The following ARHGAP30 variants were observed in gnomAD, a reference collection of about 807,000 sequenced individuals.
ARHGAP30 encodes Rho GTPase activating protein 30.
A neutral mutation model predicts 72.0 loss-of-function variants in ARHGAP30; 23 were observed. The ratio of observed to expected loss-of-function variants is 0.32; its 90% CI spans 0.23 to 0.45. ARHGAP30 has a LOEUF of 0.45. Ranked by LOEUF, ARHGAP30 falls within the 20% of genes least tolerant of loss-of-function variation. The probability of loss-of-function intolerance (pLI) is 1.00; values close to 1 mark genes in which losing one functional copy is unlikely to be tolerated. For synonymous variants in ARHGAP30, 576 were observed against 528.2 expected, an observed-to-expected ratio of 1.09 and a Z score of -1.24; for missense variants, 1,319 against 1,383.4, an observed-to-expected ratio of 0.95 and a Z score of 0.74.
intron 9 of ARHGAP30, among the ~76,000 whole-genome samples, chr1:161,052,020 AC>A (rs1557920894): frequency 0.039 from 2,579 of 66,942 alleles, 404 homozygotes; most frequent in Middle Eastern, 0.074. Context: ...CACCACCACC[AC>A]CACCACCACC....
chr1:161,054,800 G>C, intron 3 of ARHGAP30, 95 bp from the exon 4 acceptor site: 1 of 1,073,782 alleles, frequency 9.3e-7, no homozygotes, highest in Non-Finnish European at 1.4e-6. Flanking sequence ...GGAACAATGT[G>C]CACTGGACTC....
chr1:161,058,626 CA>C lies in ARHGAP30; in HGVS notation c.200+987del, dbSNP rs758250379. Among the ~76,000 whole-genome samples the C allele has an allele frequency of 1.3e-3, 112 of 87,054 alleles. 1 individual carries two copies. The highest frequency in any genetic ancestry group is 1.7e-3 in the Admixed American group (13 of 7,534). The allele number at this position is 87,054 out of a possible 152,430, so 57.1% of individuals were successfully genotyped here. Reference sequence around the variant, plus strand: ...TGGGCAACAGAGGGAGACTCTGTCTCAAAAAAAAAAAAAAATTGAAAAAAAA... The same window carrying C: ...TGGGCAACAGAGGGAGACTCTGTCTCAAAAAAAAAAAAAATTGAAAAAAAA... On this transcript the variant is annotated intron_variant, in intron 2 of 11. Coordinates refer to ENST00000368013, the MANE Select transcript of ARHGAP30 (RefSeq NM_001025598.2).
Position 161,069,496 on chromosome 1 carries a change from C to A in ARHGAP30, c.97+32G>T, listed in dbSNP as rs1240080710. On this transcript the variant is annotated intron_variant, in intron 1 of 11. Coordinates refer to ENST00000368013, the MANE Select transcript of ARHGAP30 (RefSeq NM_001025598.2). This position sits in a 1 kb window ranked among gnomAD's most constrained non-coding sequence, Gnocchi z 4.9. ...CTGCAGATGCCCAGTGCCTCCCCAC[C>A]CACCCTGCAGAAGCTGAGCCGGCCT... 6.3e-7 allele frequency: 1 copy of A among 1,599,654 alleles called. No homozygotes were observed. The highest frequency in any genetic ancestry group is 8.5e-7 in the Non-Finnish European group (1 of 1,175,096).
Position 161,051,316 on chromosome 1 carries a change from G to C in ARHGAP30, c.1418C>G (p.Pro473Arg). 6.3e-7 allele frequency: 1 copy of C among 1,594,652 alleles called. No homozygotes were observed. Among genetic ancestry groups the C allele is most frequent in the Non-Finnish European group, 8.5e-7 (1 of 1,170,358 alleles). The change falls in exon 10 of 12, where the codon CCA becomes CGA. Residue 473 changes from proline to arginine, a missense_variant and splice_region_variant. By Grantham distance (103) the Pro-to-Arg change is moderately radical. Around this residue, in one of 2 missense-constraint regions of ARHGAP30, gnomAD observed 1,097 missense variants for 1,045.2 expected, o/e 1.05. Transcript: ENST00000368013. ...TTGGTCAATCAATGGGTCCTCACCT[G>C]GGGGGCCAGGGCCAAGGCCAGGGCC... ...GPGPGLGPGP[P>R]DEKLEASPAS... is the part of the protein sequence containing the mutation.
chr1:161,056,086 A>G (rs532513383), intron 3 of ARHGAP30, among the ~76,000 whole-genome samples: 1 of 151,416 alleles, frequency 6.6e-6, no homozygotes, highest in Admixed American at 6.6e-5. Context: ...AGGCCCTTCC[A>G]GCTACAACAA....
chr1:161,052,384 T>C, intron 8 of ARHGAP30, 21 bp from the exon 9 acceptor site: 1 of 1,613,956 alleles, frequency 6.2e-7, no homozygotes, highest in Non-Finnish European at 8.5e-7. Flanking sequence ...GGGATGTGTG[T>C]AGAGCCAGGG....
At position 161,052,458 on chromosome 1, in the gene ARHGAP30, G is replaced by A. The variant is rs771374572; in HGVS notation, c.922C>T (p.Arg308Trp). 4.3e-6 allele frequency: 7 copies of A among 1,613,042 alleles called. No individual in the cohort carries two copies. The highest frequency in any genetic ancestry group is 1.7e-5 in the Admixed American group (1 of 59,922). The change falls in exon 8 of 12, where the codon CGG becomes TGG. Residue 308 changes from arginine (R) to tryptophan (W), a missense_variant. Arg to Trp is a moderately radical substitution (Grantham distance 101). This residue lies in a region of ARHGAP30 where 1,097 missense variants were observed against 1,045.2 expected (regional missense o/e 1.05). Coordinates refer to ENST00000368013, the MANE Select transcript of ARHGAP30 (RefSeq NM_001025598.2). ...GACTTACCCCTGTCCTCAGCCCCCC[G>A]TGGAAGTTTACGCTTAGTCTCATGG... is the stretch of plus-strand genomic sequence containing the variant. ...SGHETKRKLP[R>W]GAEDREDKSN...
intron 1 of ARHGAP30, among the ~76,000 whole-genome samples, chr1:161,065,989 C>G (rs1463168678): frequency 1.3e-5 from 2 of 151,602 alleles, no homozygotes; most frequent in Non-Finnish European, 2.9e-5. Context: ...CTCAGCCTCC[C>G]GAGTAGCTGG....
chr1:161,061,260 G>C (rs946254994), intron 1 of ARHGAP30, among the ~76,000 whole-genome samples: 1 of 151,816 alleles, frequency 6.6e-6, no homozygotes, highest in Non-Finnish European at 1.5e-5. Flanking sequence ...CCACCTCCCA[G>C]GTTCAAGCAA....
chr1:161,054,918 C>T (rs1270162316), intron 3 of ARHGAP30, among the ~76,000 whole-genome samples: 2 of 152,162 alleles, frequency 1.3e-5, no homozygotes, highest in East Asian at 3.9e-4. Flanking sequence ...CACTTAATAG[C>T]TTTTGTGAAC....
rs780720572 is a variant in ARHGAP30 at position 161,048,112 on chromosome 1, C to T, written c.2909G>A (p.Arg970Gln). Residue 970 changes from arginine to glutamine, a missense_variant, in exon 12 of 12, where the codon CGG (arginine) becomes CAG (glutamine). Around this residue, in one of 2 missense-constraint regions of ARHGAP30, gnomAD observed 1,097 missense variants for 1,045.2 expected, o/e 1.05. Coordinates refer to ENST00000368013, the MANE Select transcript of ARHGAP30 (RefSeq NM_001025598.2). ...APANPCPRPG[R>Q]LDGTPGERAW... is the part of the protein sequence containing the mutation. ...CCTTTCTCCAGGAGTCCCATCAAGCCGGCCAGGCCTCGGGCATGGATTTGC... is the reference window on the plus strand; with the variant it reads ...CCTTTCTCCAGGAGTCCCATCAAGCTGGCCAGGCCTCGGGCATGGATTTGC... 3.7e-6 allele frequency: 6 copies of T among 1,614,024 alleles called. No homozygotes were observed. The highest frequency in any genetic ancestry group is 2.2e-5 in the East Asian group (1 of 44,896).
At chr1:161,054,494 G>T in intron 4 of ARHGAP30, 21 bp from the exon 5 acceptor site, 1 of 1,611,112 alleles carries the variant, frequency 6.2e-7, no homozygotes, top group Non-Finnish European at 8.5e-7. Context: ...CGGGGGCAGG[G>T]ATCACACAGG....
chr1:161,049,310 G>A lies in ARHGAP30; in HGVS notation c.1711C>T (p.Pro571Ser), dbSNP rs1651169827. The change falls in exon 12 of 12, where the codon CCC (proline) becomes TCC (serine). Residue 571 changes from proline to serine, a missense_variant. Pro to Ser is a moderately conservative substitution (Grantham distance 74). Coordinates refer to ENST00000368013, the MANE Select transcript of ARHGAP30 (RefSeq NM_001025598.2). The part of the protein sequence containing the change: ...PQVEEFSVEP[P>S]LDDLSLDEAQ... ...TCATCCAGAGACAGGTCATCCAGGG[G>A]TGGCTCCACAGAGAACTCCTCCACC... The A allele has an allele frequency of 6.2e-7, 1 of 1,613,646 alleles. No homozygotes were observed. Among genetic ancestry groups the A allele is most frequent in the South Asian group, 1.1e-5 (1 of 91,066 alleles).
In ARHGAP30 at chr1:161,048,456, A is replaced by G; in HGVS notation, c.2565T>C (p.Tyr855=). ...AEGDQRAGGY[Y]LEEDTLSEGS... is the part of the protein sequence containing the mutation. ...CTTCAGAGAGGGTGTCCTCTTCTAA[A>G]TAGTACCCTCCAGCCCTCTGGTCTC... The change falls in exon 12 of 12, where the codon TAT becomes TAC. Residue 855 remains tyrosine, a synonymous_variant. Transcript: ENST00000368013. 8 of 1,613,958 alleles carry G rather than the reference A, an allele frequency of 5.0e-6. No individual in the cohort carries two copies. Among genetic ancestry groups the G allele is most frequent in the Non-Finnish European group, 6.8e-6 (8 of 1,179,964 alleles).
Position 161,048,002 on chromosome 1 carries a change from G to T in ARHGAP30, c.3019C>A (p.Arg1007Ser). 1 of 1,614,086 alleles carries T rather than the reference G, an allele frequency of 6.2e-7. No homozygotes were observed. Among genetic ancestry groups the T allele is most frequent in the Non-Finnish European group, 8.5e-7 (1 of 1,180,008 alleles). Residue 1007 changes from arginine (R) to serine (S), a missense_variant, in exon 12 of 12, where the codon CGC (arginine) becomes AGC (serine). Transcript: ENST00000368013. ...FDAAVALARD[R>S]QRTEAQGVRR... ...ACTCCTTGAGCCTCAGTCCTTTGGC[G>T]GTCCCGGGCTAGGGCCACAGCAGCA... is the stretch of plus-strand genomic sequence containing the variant.
At chr1:161,052,972 C>T in intron 6 of ARHGAP30, 175 bp from the exon 7 acceptor site, 2 of 950,272 alleles carry the variant, frequency 2.1e-6, no homozygotes, top group Middle Eastern at 3.4e-4. Context: ...ACAAAGAGGG[C>T]TGGGAGATCC....
intron 5 of ARHGAP30, among the ~76,000 whole-genome samples, chr1:161,053,904 C>T (rs1651632698): frequency 6.6e-6 from 1 of 152,074 alleles, no homozygotes; most frequent in Non-Finnish European, 1.5e-5. Context: ...CTTCTCTCTA[C>T]TAAAAATACA....
intron 3 of ARHGAP30, among the ~76,000 whole-genome samples, chr1:161,056,036 T>G (rs1571096274): frequency 6.6e-6 from 1 of 152,188 alleles, no homozygotes; most frequent in Middle Eastern, 3.4e-3. Context: ...GTATTCTGAT[T>G]CTCTTAAGTG....
chr1:161,067,538 C>A (rs899828568), intron 1 of ARHGAP30, among the ~76,000 whole-genome samples: 2 of 151,384 alleles, frequency 1.3e-5, no homozygotes, highest in Admixed American at 6.6e-5. Context: ...CCACTACACT[C>A]CAGCCTGGGA....
Sources: gnomAD v4.1 joint callset for allele counts (sites outside exome capture counted in the v4.1 genomes callset) on GRCh38, gnomAD v4.1.1 for gene constraint, gnomAD v4.1.1 regional missense constraint, Gnocchi (gnomAD v3.1) non-coding constraint, MANE v1.5 for transcripts, NCBI Gene and HGNC (gene_info 2026-07-23, HGNC 2026-07-21) for gene names.